SUMF2: variants seen among roughly 807,000 people sequenced by gnomAD.
The protein encoded by SUMF2 is inactive C-alpha-formylglycine-generating enzyme 2.
SUMF2 carries 45 observed loss-of-function variants against 44.8 expected under a neutral mutation model. The observed-to-expected ratio is 1.00, with a 90% CI of 0.79 to 1.29. The LOEUF is 1.29. SUMF2 is among the 50% of genes most tolerant of loss of function. SUMF2 has a pLI of 0.00. For synonymous variants in SUMF2, 148 were observed against 150.4 expected (o/e 0.98, Z 0.12); for missense variants, 418 against 389.9 (o/e 1.07, Z -0.61).
chr7:56,078,416 G>A lies in SUMF2; in HGVS notation c.729G>A (p.Gln243=). 1.2e-6 allele frequency: 2 copies of A among 1,612,216 alleles called. No homozygotes were observed. The highest frequency in any genetic ancestry group is 1.7e-6 in the Non-Finnish European group (2 of 1,178,976). Residue 243 remains glutamine, a synonymous_variant, in exon 8 of 9, where the codon CAG becomes CAA. Transcript: ENST00000434526. ...GGGAGTGGACAGCATCACCGTACCAGGCTGCTGAGCAGGACATGCGCGTCC... is the reference window on the plus strand; with the variant it reads ...GGGAGTGGACAGCATCACCGTACCAAGCTGCTGAGCAGGACATGCGCGTCC... The part of the protein sequence containing the change: ...NVWEWTASPY[Q]AAEQDMRVLR...
chr7:56,079,435 T>C (rs1795823726), intron 8 of SUMF2, 93 bp from the exon 9 acceptor site: 7 of 1,290,022 alleles, frequency 5.4e-6, no homozygotes, highest in South Asian at 2.8e-5. Flanking sequence ...TCCCTGATCA[T>C]GGCCGGCCCT....
downstream of SUMF2, chr7:56,083,303 C>G: frequency 6.2e-7 from 1 of 1,614,012 alleles, no homozygotes; most frequent in Non-Finnish European, 8.5e-7. Flanking sequence ...CCGGCTCCAG[C>G]TGGCAGGAAA....
Position 56,078,383 on chromosome 7 carries a change from G to T in SUMF2, c.696G>T (p.Gly232=). 2 of 1,609,388 alleles carry T rather than the reference G, an allele frequency of 1.2e-6. No homozygotes were observed. Among genetic ancestry groups the T allele is most frequent in the Non-Finnish European group, 1.7e-6 (2 of 1,177,262 alleles). ...CTGCAGGGCTCTATGACCTCCTGGGGAACGTGTGGGAGTGGACAGCATCAC... is the reference window on the plus strand; with the variant it reads ...CTGCAGGGCTCTATGACCTCCTGGGTAACGTGTGGGAGTGGACAGCATCAC... ...QNNYGLYDLL[G]NVWEWTASPY... is the part of the protein sequence containing the mutation. The change falls in exon 8 of 9, where the codon GGG becomes GGT. Residue 232 remains glycine, a synonymous_variant. Coordinates refer to ENST00000434526, the MANE Select transcript of SUMF2 (RefSeq NM_015411.4).
chr7:56,072,595 C>A lies in SUMF2; in HGVS notation c.225-402C>A, dbSNP rs528678672. 2.6e-5 allele frequency among the ~76,000 whole-genome samples: 4 copies of A among 152,044 alleles called. No homozygotes were observed. The South Asian group carries it at 8.3e-4, about 32-fold the overall frequency. On this transcript the variant is annotated intron_variant, in intron 2 of 8. Coordinates refer to ENST00000434526, the MANE Select transcript of SUMF2 (RefSeq NM_015411.4). ...AAAATTACCTGGGCGTGGTGGCAGA[C>A]GCCTGTAATCCCAGCTACTTGGGAG...
Position 56,064,392 on chromosome 7 carries a change from C to A in SUMF2, c.67+14C>A. Reference sequence around the variant, plus strand: ...GGCTCAAGCTAGGTCAGTGAACCGGCCGTCCATCCTGGGGGCGCTGGGAAG... The same window carrying A: ...GGCTCAAGCTAGGTCAGTGAACCGGACGTCCATCCTGGGGGCGCTGGGAAG... On this transcript the variant is annotated intron_variant, in intron 1 of 8. Transcript: ENST00000434526. The A allele has an allele frequency of 6.3e-7, 1 of 1,597,588 alleles. No homozygotes were observed. The highest frequency in any genetic ancestry group is 1.3e-5 in the African/African-American group (1 of 74,592).
intron 8 of SUMF2, chr7:56,079,043 C>T (rs1475776693): frequency 2.2e-5 from 12 of 552,180 alleles, no homozygotes; most frequent in Admixed American, 5.9e-5. Context: ...ACTACAGGTG[C>T]GGCTAATTTT....
At chr7:56,078,951 C>T (rs1320181046) in intron 8 of SUMF2, 1 of 557,670 alleles carries the variant, frequency 1.8e-6, no homozygotes, top group Admixed American at 2.8e-5. Flanking sequence ...GGCTGGAGTG[C>T]AGTGGCACAG....
At chr7:56,070,184 C>T (rs778521365) in intron 2 of SUMF2, among the ~76,000 whole-genome samples, 2 of 152,060 alleles carry the variant, frequency 1.3e-5, no homozygotes, top group Non-Finnish European at 2.9e-5. Flanking sequence ...GTTGGGATTA[C>T]AGCTGTGAGC....
intron 1 of SUMF2, 151 bp downstream of exon 1, chr7:56,064,529 C>A: frequency 8.7e-7 from 1 of 1,153,188 alleles, no homozygotes; most frequent in Non-Finnish European, 1.2e-6. Context: ...CGTGGCGCCT[C>A]ACCGCCTTAT....
At chr7:56,087,088 A>T in the SUMF2 span, 6 of 1,309,816 alleles carry the variant, frequency 4.6e-6, no homozygotes, top group Non-Finnish European at 5.5e-6. Flanking sequence ...CAGCCGGGGC[A>T]CGGGGGTCAG....
intron 2 of SUMF2, among the ~76,000 whole-genome samples, chr7:56,069,883 C>A (rs1396780695): frequency 6.6e-6 from 1 of 151,918 alleles, no homozygotes. Flanking sequence ...CATGCCTGGC[C>A]TTGAAAATCC....
chr7:56,081,902 C>G (rs749618495), downstream of SUMF2: 23 of 1,613,378 alleles, frequency 1.4e-5, no homozygotes, highest in African/African-American at 2.9e-4. This position sits in a 1 kb window ranked among gnomAD's most constrained non-coding sequence, Gnocchi z 4.6. Context: ...CCAGGTCCTT[C>G]ACGGTGTCCG....
At chr7:56,078,070 GT>G in intron 6 of SUMF2, 31 bp from the exon 7 acceptor site, 1 of 1,585,318 alleles carries the variant, frequency 6.3e-7, no homozygotes, top group Non-Finnish European at 8.6e-7. Flanking sequence ...GGGACAGGTG[GT>G]AAATCCTTTA....
intron 1 of SUMF2, among the ~76,000 whole-genome samples, chr7:56,067,060 T>C (rs1794855018): frequency 1.3e-5 from 2 of 152,244 alleles, no homozygotes; most frequent in South Asian, 4.1e-4. Flanking sequence ...CTCTTCTGGC[T>C]CATATAATGG....
At position 56,080,057 on chromosome 7, in the gene SUMF2, T is replaced by C; in HGVS notation, c.*445T>C. The C allele has an allele frequency of 1.6e-6, 1 of 624,880 alleles. No individual in the cohort carries two copies. Among genetic ancestry groups the C allele is most frequent in the East Asian group, 2.8e-5 (1 of 35,416 alleles). The allele number at this position is 624,880 out of a possible 1,614,324, so 38.7% of individuals were successfully genotyped here. A position where few individuals can be genotyped will look rare whatever the true frequency, so the allele number is the denominator to read the frequency against. ...GTTGCTGTGGAAGGAGAATGCTTTC[T>C]TTGTGGCCTCATCTGTGGTTTCGTG... is the stretch of plus-strand genomic sequence containing the variant. On this transcript the variant is annotated 3_prime_UTR_variant, in exon 9 of 9. Coordinates refer to ENST00000434526, the MANE Select transcript of SUMF2 (RefSeq NM_015411.4).
intron 2 of SUMF2, among the ~76,000 whole-genome samples, chr7:56,071,444 G>A (rs970105364): frequency 6.6e-6 from 1 of 151,148 alleles, no homozygotes; most frequent in South Asian, 2.1e-4. Flanking sequence ...AGCCATGATT[G>A]TGCCACTGCA....
the SUMF2 span, chr7:56,087,574 G>T: frequency 1.6e-5 from 26 of 1,601,382 alleles, no homozygotes; most frequent in Non-Finnish European, 2.1e-5. Context: ...GCACCCTGCC[G>T]TGTGGCTTGG....
At chr7:56,083,620 G>A, downstream of SUMF2, 1 of 1,558,986 alleles carries the variant, frequency 6.4e-7, no homozygotes, top group African/African-American at 1.4e-5. Flanking sequence ...ACGTGGGAGG[G>A]AGCGGAGAGA....
downstream of SUMF2, chr7:56,083,156 ATGG>A (rs911091615): frequency 4.7e-6 from 4 of 858,522 alleles, no homozygotes; most frequent in African/African-American, 5.1e-5. Context: ...AGCCCTTGAA[ATGG>A]TGGAATTTTT....
Sources: allele counts gnomAD v4.1 joint callset (sites outside exome capture counted in the v4.1 genomes callset), GRCh38; gene constraint gnomAD v4.1.1; non-coding constraint Gnocchi (gnomAD v3.1); transcripts MANE v1.5; gene names NCBI Gene and HGNC (gene_info 2026-07-23, HGNC 2026-07-21).